The following PKIG variants were observed in gnomAD, a reference collection of about 807,000 sequenced individuals.
PKIG encodes protein kinase (cAMP-dependent, catalytic) inhibitor gamma.
In PKIG, 1 loss-of-function variant was observed where a neutral mutation model predicts 6.8. The ratio of observed to expected loss-of-function variants is 0.15; its 90% CI spans 0.05 to 0.69. The LOEUF is 0.69. Among genes scored for constraint, PKIG ranks in the 30% least tolerant of loss-of-function variants. The pLI, the probability that PKIG is intolerant of heterozygous loss-of-function variation, is 0.82. For missense variants in PKIG, 77 were observed against 104.0 expected, an observed-to-expected ratio of 0.74 and a Z score of 1.13; for synonymous variants, 39 against 43.0, an observed-to-expected ratio of 0.91 and a Z score of 0.36.
At chr20:44,535,139 T>TAGA (rs1418943683) in intron 1 of PKIG, among the ~76,000 whole-genome samples, 1 of 152,158 alleles carries the variant, frequency 6.6e-6, no homozygotes, top group African/African-American at 2.4e-5. Context: ...AATAAATACT[T>TAGA]AGAAATAAAC....
chr20:44,565,467 A>G (rs963922285), intron 1 of PKIG, among the ~76,000 whole-genome samples: 13 of 152,232 alleles, frequency 8.5e-5, no homozygotes, highest in African/African-American at 2.7e-4. Context: ...GCAATCACAG[A>G]CAATATTTCC....
intron 2 of PKIG, among the ~76,000 whole-genome samples, chr20:44,603,036 C>T (rs1856485468): frequency 6.6e-6 from 1 of 152,162 alleles, no homozygotes; most frequent in African/African-American, 2.4e-5. Flanking sequence ...TAATCTAGAA[C>T]ATCTTCTATT....
intron 1 of PKIG, among the ~76,000 whole-genome samples, chr20:44,545,381 T>C (rs184775509): frequency 1.8e-4 from 27 of 152,072 alleles, no homozygotes; most frequent in Non-Finnish European, 3.1e-4. Context: ...CAATGAAATG[T>C]AAAGGGAAAA....
intron 1 of PKIG, among the ~76,000 whole-genome samples, chr20:44,583,305 T>C (rs948968520): frequency 3.9e-5 from 6 of 152,216 alleles, no homozygotes; most frequent in African/African-American, 9.7e-5. Context: ...TCTTTAACCT[T>C]GGGTTTGCGA....
At chr20:44,532,130 C>T (rs768983695) in intron 1 of PKIG, among the ~76,000 whole-genome samples, 4 of 152,186 alleles carry the variant, frequency 2.6e-5, no homozygotes, top group Non-Finnish European at 4.4e-5. Flanking sequence ...GACGGCGCCC[C>T]CGACGCCCTT....
rs548778929 is a variant in PKIG at position 44,618,524 on chromosome 20, G to A, written c.*160G>A. ...CAGAGGCCTCTGTGGCCTCCACTCC[G>A]GGAAAGCCCTCTGCCCACACCCACA... On this transcript the variant is annotated 3_prime_UTR_variant, in exon 4 of 4. Transcript: ENST00000372886. 3.5e-5 allele frequency: 21 copies of A among 600,794 alleles called. No individual in the cohort carries two copies. The East Asian group carries it at 4.8e-4, about 14-fold the overall frequency. 37.2% of individuals were successfully genotyped at this position (600,794 alleles called of 1,614,324 possible).
In PKIG at chr20:44,605,406, CAAAA is replaced by C. The variant is rs34277645; in HGVS notation, c.-23-9108_-23-9105del. Among the ~76,000 whole-genome samples, 8 of 37,328 alleles carry C rather than the reference CAAAA, an allele frequency of 2.1e-4. No homozygotes were observed. In the Admixed American group the frequency reaches 2.3e-3, roughly 11 times the overall value. 24.5% of individuals were successfully genotyped at this position (37,328 alleles called of 152,430 possible). ...TGGGCGACAGAGTGAGACTCCGTCT[CAAAA>C]AAAAAAAAAAAAAAAAAAAGATTCA... On this transcript the variant is annotated intron_variant, in intron 2 of 3. Coordinates refer to ENST00000372886, the MANE Select transcript of PKIG (RefSeq NM_001281445.2).
At chr20:44,563,990 A>G (rs2064789894) in intron 1 of PKIG, among the ~76,000 whole-genome samples, 1 of 152,200 alleles carries the variant, frequency 6.6e-6, no homozygotes, top group Non-Finnish European at 1.5e-5. Context: ...AAATTTATTA[A>G]TATTTCCTTT....
At chr20:44,558,071 A>G (rs2064730882) in intron 1 of PKIG, among the ~76,000 whole-genome samples, 1 of 151,348 alleles carries the variant, frequency 6.6e-6, no homozygotes, top group Non-Finnish European at 1.5e-5. Context: ...ATATTTTTAA[A>G]AAGGACAATG....
intron 1 of PKIG, among the ~76,000 whole-genome samples, chr20:44,539,246 T>C (rs1269079655): frequency 6.6e-6 from 1 of 151,806 alleles, no homozygotes; most frequent in Non-Finnish European, 1.5e-5. Flanking sequence ...TGCCCAACTT[T>C]CATAAATGTC....
At chr20:44,534,324 C>T (rs2064493682) in intron 1 of PKIG, among the ~76,000 whole-genome samples, 1 of 152,076 alleles carries the variant, frequency 6.6e-6, no homozygotes, top group Non-Finnish European at 1.5e-5. Flanking sequence ...CGTGGGAAGC[C>T]AGGTTATTCC....
chr20:44,611,370 TA>T (rs1000330171), intron 2 of PKIG, among the ~76,000 whole-genome samples: 1 of 151,914 alleles, frequency 6.6e-6, no homozygotes, highest in African/African-American at 2.4e-5. Context: ...GCCTTATTGT[TA>T]ACCATCACCA....
chr20:44,610,500 T>TCACACACACACACACACA lies in PKIG; in HGVS notation c.-23-4022_-23-4005dup, dbSNP rs559846553. Among the ~76,000 whole-genome samples, 1,206 of 135,416 alleles carry TCACACACACACACACACA rather than the reference T, an allele frequency of 8.9e-3. 12 individuals are homozygous for TCACACACACACACACACA. The highest frequency in any genetic ancestry group is 0.02 in the African/African-American group (677 of 33,078). 88.8% of individuals were successfully genotyped at this position (135,416 alleles called of 152,430 possible). A position where few individuals can be genotyped will look rare whatever the true frequency, so the allele number is the denominator to read the frequency against. On this transcript the variant is annotated intron_variant, in intron 2 of 3. Transcript: ENST00000372886. ...TCTCTCTCTCTTCTCTCTCTCTCTC[T>TCACACACACACACACACA]CACACACACACACACACACACACAC...
chr20:44,590,633 A>G (rs777734927), intron 2 of PKIG, among the ~76,000 whole-genome samples: 15 of 152,232 alleles, frequency 9.9e-5, no homozygotes, highest in Non-Finnish European at 1.8e-4. Context: ...TTCACCCACC[A>G]GGCATCCATC....
chr20:44,617,734 A>G (rs1047885353), intron 3 of PKIG, among the ~76,000 whole-genome samples: 6 of 152,098 alleles, frequency 3.9e-5, no homozygotes, highest in Non-Finnish European at 8.8e-5. Flanking sequence ...GGCCTGGTTC[A>G]GTGCTCTTTA....
intron 2 of PKIG, among the ~76,000 whole-genome samples, chr20:44,600,279 C>T (rs1347491347): frequency 6.6e-6 from 1 of 152,144 alleles, no homozygotes; most frequent in Non-Finnish European, 1.5e-5. Flanking sequence ...TGCAGGGCTT[C>T]AGGGACTGGC....
chr20:44,607,294 T>C (rs244089), intron 2 of PKIG, among the ~76,000 whole-genome samples: 9,287 of 151,300 alleles, frequency 0.061, 437 homozygotes, highest in African/African-American at 0.14. Flanking sequence ...GGCTTCAGAG[T>C]GATCTACAGT....
intron 1 of PKIG, among the ~76,000 whole-genome samples, chr20:44,544,925 C>CTTTTTTTTTTTTTTTTTTTTTT (rs796482642): frequency 2.3e-4 from 15 of 64,390 alleles, no homozygotes; most frequent in Middle Eastern, 0.01. Context: ...TTCCTTCTTT[C>CTTTTTTTTTTTTTTTTTTTTTT]TTTTTTTTTT....
intron 1 of PKIG, among the ~76,000 whole-genome samples, chr20:44,544,925 CTTTT>C (rs796482642): frequency 0.021 from 1,339 of 64,072 alleles, 11 homozygotes; most frequent in Admixed American, 0.093. Flanking sequence ...TTCCTTCTTT[CTTTT>C]TTTTTTTTTT....
Sources: gnomAD v4.1 joint callset for allele counts (sites outside exome capture counted in the v4.1 genomes callset) on GRCh38, gnomAD v4.1.1 for gene constraint, MANE v1.5 for transcripts, NCBI Gene and HGNC (gene_info 2026-07-23, HGNC 2026-07-21) for gene names.